Variants in NEGR1 observed in about 807,000 individuals in gnomAD.
NEGR1 encodes the protein neuronal growth regulator 1.
In NEGR1, 10 loss-of-function variants were observed where a neutral mutation model predicts 40.9. The observed-to-expected ratio is 0.24, with a 90% CI of 0.15 to 0.42. The LOEUF (loss-of-function observed/expected upper bound fraction) is 0.42. NEGR1 is among the 10% of genes least tolerant of loss of function. NEGR1 has a pLI of 1.00. For missense variants in NEGR1, 352 were observed against 438.9 expected, an observed-to-expected ratio of 0.80 and a Z score of 1.77; for synonymous variants, 185 against 166.8, an observed-to-expected ratio of 1.11 and a Z score of -0.84.
At chr1:71,661,949 C>T (rs534996048) in intron 4 of NEGR1, among the ~76,000 whole-genome samples, 2 of 152,042 alleles carry the variant, frequency 1.3e-5, no homozygotes, top group African/African-American at 4.8e-5. Context: ...TTTTGTAGAA[C>T]AAGGATAAGG....
At chr1:71,410,503 G>T (rs574017660) in intron 6 of NEGR1, among the ~76,000 whole-genome samples, 3 of 152,218 alleles carry the variant, frequency 2.0e-5, no homozygotes, top group Non-Finnish European at 2.9e-5. Flanking sequence ...GAACATTAGG[G>T]TATATGGAAC....
At chr1:71,413,625 G>C (rs1240730694) in intron 6 of NEGR1, among the ~76,000 whole-genome samples, 2 of 152,090 alleles carry the variant, frequency 1.3e-5, no homozygotes, top group Non-Finnish European at 2.9e-5. Context: ...TTGCCAAAGA[G>C]AACAGCATGG....
intron 2 of NEGR1, among the ~76,000 whole-genome samples, chr1:71,828,622 A>G (rs538853310): frequency 2.8e-4 from 43 of 152,000 alleles, no homozygotes; most frequent in African/African-American, 9.6e-4. Flanking sequence ...TCTAATGAGT[A>G]TGTGGGTCAT....
At chr1:71,489,665 C>CT (rs943826693) in intron 6 of NEGR1, 9 of 150,688 alleles carry the variant, frequency 6.0e-5, no homozygotes, top group Non-Finnish European at 1.0e-4. Flanking sequence ...TTAAACAGAG[C>CT]TTTTTTCTTT....
intron 1 of NEGR1, among the ~76,000 whole-genome samples, chr1:72,189,324 ACTT>A (rs554715224): frequency 9.8e-4 from 148 of 151,562 alleles, no homozygotes; most frequent in Non-Finnish European, 1.6e-3. Context: ...GGAATTTCAG[ACTT>A]CTTCTCACTT....
At position 71,750,201 on chromosome 1, in the gene NEGR1, A is replaced by G. The variant is rs767106572; in HGVS notation, c.535+25971T>C. On this transcript the variant is annotated intron_variant, in intron 3 of 6. Coordinates refer to ENST00000357731, the MANE Select transcript of NEGR1 (RefSeq NM_173808.3). ...GTAGAGACGGGGTTTCACCTTGTTA[A>G]CCAGGATGGTCTCGATCTCCTGACT... is the stretch of plus-strand genomic sequence containing the variant. 9.9e-5 allele frequency among the ~76,000 whole-genome samples: 15 copies of G among 151,404 alleles called. 1 individual carries two copies. Among genetic ancestry groups the G allele is most frequent in the Admixed American group, 1.3e-4 (2 of 15,212 alleles).
At chr1:71,645,005 A>T (rs944884118) in intron 4 of NEGR1, among the ~76,000 whole-genome samples, 11 of 151,954 alleles carry the variant, frequency 7.2e-5, no homozygotes, top group Non-Finnish European at 7.4e-5. Flanking sequence ...GTACTCACAC[A>T]ATTTACACAT....
rs959883996 is a variant in NEGR1 at position 72,266,322 on chromosome 1, T to C, written c.176+15997A>G. Among the ~76,000 whole-genome samples, 4 of 150,922 alleles carry C rather than the reference T, an allele frequency of 2.7e-5. No individual in the cohort carries two copies. The South Asian group carries it at 8.3e-4, about 31-fold the overall frequency. On this transcript the variant is annotated intron_variant, in intron 1 of 6. Coordinates refer to ENST00000357731, the MANE Select transcript of NEGR1 (RefSeq NM_173808.3). ...ATTAAAAATGCATATGTACCATAAG[T>C]ACATACACTGTCAAACTAAACAGTA... is the stretch of plus-strand genomic sequence containing the variant.
chr1:72,282,271 C>A (rs1557613241), intron 1 of NEGR1, 48 bp downstream of exon 1: 2 of 1,604,830 alleles, frequency 1.2e-6, no homozygotes, highest in Admixed American at 3.4e-5. Context: ...CAAAGAGAGA[C>A]AGAAAGATAG....
chr1:71,584,670 G>A (rs1222838341), intron 6 of NEGR1, among the ~76,000 whole-genome samples: 2 of 152,124 alleles, frequency 1.3e-5, no homozygotes, highest in African/African-American at 4.8e-5. Flanking sequence ...GGAACACAGT[G>A]CACGCTTGAT....
chr1:72,067,966 T>C (rs1197626823), intron 1 of NEGR1, among the ~76,000 whole-genome samples: 2 of 152,184 alleles, frequency 1.3e-5, no homozygotes, highest in Admixed American at 6.6e-5. Context: ...AAATGTATAT[T>C]GCCAAGTTCT....
chr1:71,919,712 A>G (rs1278664869), intron 2 of NEGR1, among the ~76,000 whole-genome samples: 1 of 152,210 alleles, frequency 6.6e-6, no homozygotes, highest in African/African-American at 2.4e-5. Flanking sequence ...ACAAACAACA[A>G]GCAAACATAA....
At position 71,406,126 on chromosome 1, in the gene NEGR1, T is replaced by C. The variant is rs1343232990; in HGVS notation, c.*1320A>G. The C allele has an allele frequency of 6.6e-6, 1 of 152,020 alleles. No homozygotes were observed. Among genetic ancestry groups the C allele is most frequent in the Non-Finnish European group, 1.5e-5 (1 of 67,884 alleles). The allele number at this position is 152,020 out of a possible 1,614,324, so 9.4% of individuals were successfully genotyped here. On this transcript the variant is annotated 3_prime_UTR_variant, in exon 7 of 7. Coordinates refer to ENST00000357731, the MANE Select transcript of NEGR1 (RefSeq NM_173808.3). ...TAAGGAAAAATAAAGGATGGTCTTT[T>C]TTGATTTTACTTGTTTGCACTGAAA...
At chr1:71,503,675 A>C (rs1385454917) in intron 6 of NEGR1, among the ~76,000 whole-genome samples, 1 of 152,138 alleles carries the variant, frequency 6.6e-6, no homozygotes, top group East Asian at 1.9e-4. Context: ...CTCCTCTTAC[A>C]AGTACTGGAA....
chr1:72,276,457 ACT>A (rs1161963062), intron 1 of NEGR1, among the ~76,000 whole-genome samples: 20 of 152,156 alleles, frequency 1.3e-4, no homozygotes, highest in Admixed American at 1.3e-3. Context: ...AAAATATAAC[ACT>A]GTTATTGAAT....
At chr1:71,661,649 CAA>C (rs1445506925) in intron 4 of NEGR1, among the ~76,000 whole-genome samples, 4 of 152,148 alleles carry the variant, frequency 2.6e-5, no homozygotes, top group Non-Finnish European at 5.9e-5. Flanking sequence ...AGTACATGTT[CAA>C]AGTCAGATAA....
At chr1:71,952,128 A>T (rs1646076137) in intron 1 of NEGR1, among the ~76,000 whole-genome samples, 1 of 151,934 alleles carries the variant, frequency 6.6e-6, no homozygotes, top group South Asian at 2.1e-4. Context: ...GAAGAGCATC[A>T]CATCTCTCAA....
rs866846324 is a variant in NEGR1, at chr1:71,400,764, G to C, written c.*6682C>G. 8.5e-5 allele frequency: 13 copies of C among 152,116 alleles called. No homozygotes were observed. Among genetic ancestry groups the C allele is most frequent in the African/African-American group, 3.1e-4 (13 of 41,480 alleles). The allele number at this position is 152,116 out of a possible 1,614,324, so 9.4% of individuals were successfully genotyped here. On this transcript the variant is annotated 3_prime_UTR_variant, in exon 7 of 7. Coordinates refer to ENST00000357731, the MANE Select transcript of NEGR1 (RefSeq NM_173808.3). Reference sequence around the variant, plus strand: ...ATTTTACATCTCGTCTGGGAGCGGTGGCTCACGCCTGTAATCCCAGCACTT... The same window carrying C: ...ATTTTACATCTCGTCTGGGAGCGGTCGCTCACGCCTGTAATCCCAGCACTT...
At chr1:71,930,704 G>A (rs1333496287) in intron 2 of NEGR1, among the ~76,000 whole-genome samples, 2 of 152,144 alleles carry the variant, frequency 1.3e-5, no homozygotes, top group Admixed American at 6.6e-5. Context: ...TTTGTGAAAC[G>A]AATTCAAACA....
Sources: allele counts gnomAD v4.1 joint callset (sites outside exome capture counted in the v4.1 genomes callset), GRCh38; gene constraint gnomAD v4.1.1; transcripts MANE v1.5; gene names NCBI Gene and HGNC (gene_info 2026-07-23, HGNC 2026-07-21).